Variants in ESRRG observed in about 807,000 individuals in gnomAD.
ESRRG encodes the protein estrogen-related receptor gamma.
ESRRG carries 13 observed loss-of-function variants against 44.0 expected under a neutral mutation model. That is an observed-to-expected ratio of 0.30 (90% CI 0.19 to 0.47). The LOEUF is 0.47. Ranked by LOEUF, ESRRG falls within the 20% of genes least tolerant of loss-of-function variation. The pLI is 1.00. For synonymous variants in ESRRG, 215 were observed against 214.6 expected, an observed-to-expected ratio of 1.00 and a Z score of -0.02; for missense variants, 395 against 580.6, an observed-to-expected ratio of 0.68 and a Z score of 3.29.
intron 2 of ESRRG, among the ~76,000 whole-genome samples, chr1:216,858,699 G>A (rs1163198278): frequency 6.6e-6 from 1 of 152,154 alleles, no homozygotes; most frequent in Non-Finnish European, 1.5e-5. Flanking sequence ...TGAGGAAACT[G>A]AGGCCTAGGG....
intron 5 of ESRRG, among the ~76,000 whole-genome samples, chr1:216,548,111 A>T (rs560375671): frequency 1.3e-4 from 20 of 152,202 alleles, no homozygotes; most frequent in Non-Finnish European, 2.6e-4. Context: ...CAATGCCGGA[A>T]ATCAAACTTT....
At chr1:216,512,906 T>A (rs114004413) in intron 6 of ESRRG, among the ~76,000 whole-genome samples, 1,786 of 152,270 alleles carry the variant, frequency 0.012, 25 homozygotes, top group Non-Finnish European at 0.018. Context: ...AAAATGCTAC[T>A]GCTGGCTTTA....
At chr1:216,786,686 C>T (rs768775885) in intron 2 of ESRRG, among the ~76,000 whole-genome samples, 12 of 152,134 alleles carry the variant, frequency 7.9e-5, no homozygotes, top group African/African-American at 2.2e-4. Flanking sequence ...TATATTACAA[C>T]GAGTACATAT....
At chr1:216,625,488 G>A (rs1414530) in intron 3 of ESRRG, among the ~76,000 whole-genome samples, 58,659 of 149,222 alleles carry the variant, frequency 0.39, 12,003 homozygotes, top group East Asian at 0.52. Context: ...TTATAATAAC[G>A]TCTTGCTTTT....
intron 2 of ESRRG, among the ~76,000 whole-genome samples, chr1:216,665,600 C>A (rs2151303405): frequency 6.6e-6 from 1 of 152,056 alleles, no homozygotes; most frequent in South Asian, 2.1e-4. Flanking sequence ...TGATGAAATA[C>A]TAAAGACTCG....
chr1:217,099,608 G>C (rs868553082), intron 1 of ESRRG, among the ~76,000 whole-genome samples: 1 of 152,124 alleles, frequency 6.6e-6, no homozygotes, highest in African/African-American at 2.4e-5. Flanking sequence ...AAATTCAGAA[G>C]ATCTCTGGTG....
intron 2 of ESRRG, among the ~76,000 whole-genome samples, chr1:216,809,065 C>T (rs558438362): frequency 6.6e-6 from 1 of 152,070 alleles, no homozygotes; most frequent in Non-Finnish European, 1.5e-5. Flanking sequence ...GGGTGCTACG[C>T]TAAATTTTTG....
chr1:216,735,177 G>C (rs2089641427), intron 2 of ESRRG, among the ~76,000 whole-genome samples: 1 of 150,866 alleles, frequency 6.6e-6, no homozygotes, highest in African/African-American at 2.4e-5. Context: ...CAAAGTGCTG[G>C]GATTACAGGC....
chr1:216,558,828 A>C (rs1277788786), intron 5 of ESRRG, among the ~76,000 whole-genome samples: 3 of 151,934 alleles, frequency 2.0e-5, no homozygotes, highest in Admixed American at 2.0e-4. Context: ...ATAACCTTTA[A>C]ATATTTCATA....
intron 1 of ESRRG, among the ~76,000 whole-genome samples, chr1:216,987,500 AC>A (rs1442743112): frequency 3.3e-5 from 5 of 152,344 alleles, no homozygotes; most frequent in African/African-American, 1.2e-4. Context: ...TTACAATCCT[AC>A]TTCCTCTTTG....
rs190595786 is a variant in ESRRG, at chr1:216,570,377, A to G, written c.590-2279T>C. On this transcript the variant is annotated intron_variant, in intron 3 of 6. Coordinates refer to ENST00000408911, the MANE Select transcript of ESRRG (RefSeq NM_001438.4). The stretch of plus-strand genomic sequence containing the variant: ...AGCACTCCATGCCTACAGCAGATGT[A>G]TTCCTTTGTTTATCTAATTTCTAAT... Among the ~76,000 whole-genome samples, 318 of 152,318 alleles carry G rather than the reference A, an allele frequency of 2.1e-3. 2 individuals carry two copies. The highest frequency in any genetic ancestry group is 2.3e-3 in the Non-Finnish European group (156 of 68,006).
intron 3 of ESRRG, among the ~76,000 whole-genome samples, chr1:216,645,944 T>C (rs572254380): frequency 1.3e-5 from 2 of 151,876 alleles, no homozygotes; most frequent in East Asian, 1.9e-4. Context: ...ACAATTCTCC[T>C]TGCTCATTTT....
At chr1:216,662,832 C>T (rs551730053) in intron 2 of ESRRG, among the ~76,000 whole-genome samples, 19 of 152,290 alleles carry the variant, frequency 1.2e-4, no homozygotes, top group African/African-American at 4.6e-4. Context: ...TGCTGTAGCA[C>T]AAAAGCAGCC....
rs181952623 is a variant in ESRRG at position 216,952,026 on chromosome 1, C to T, written c.-105-12353G>A. The stretch of plus-strand genomic sequence containing the variant: ...TTACCATAAATACACAACCTGCATC[C>T]AAACAATCTAAATATCATCAGTAGA... On this transcript the variant is annotated intron_variant, in intron 1 of 7. Coordinates refer to the ESRRG transcript ENST00000359162. Among the ~76,000 whole-genome samples the T allele has an allele frequency of 1.8e-3, 279 of 152,096 alleles. 1 individual carries two copies. Among genetic ancestry groups the T allele is most frequent in the African/African-American group, 6.4e-3 (265 of 41,500 alleles).
chr1:216,989,410 T>G (rs1159385445), intron 1 of ESRRG, among the ~76,000 whole-genome samples: 4 of 128,766 alleles, frequency 3.1e-5, no homozygotes, highest in African/African-American at 9.2e-5. Context: ...TCTGTCTGCA[T>G]GGTAGAGACT....
intron 1 of ESRRG, among the ~76,000 whole-genome samples, chr1:216,685,874 A>G (rs1419090224): frequency 2.0e-5 from 3 of 152,250 alleles, no homozygotes; most frequent in African/African-American, 7.2e-5. Flanking sequence ...GACATAGATC[A>G]GTTCACCAGG....
rs1411232228 is a variant in ESRRG, at chr1:216,963,580, C to T, written c.-105-23907G>A. 2.0e-5 allele frequency among the ~76,000 whole-genome samples: 3 copies of T among 152,156 alleles called. No homozygotes were observed. In the South Asian group the frequency reaches 6.2e-4, roughly 32 times the overall value. On this transcript the variant is annotated intron_variant, in intron 1 of 7. Coordinates refer to the ESRRG transcript ENST00000359162. ...TGAATGAAGACTTGTCTATCCTCCT[C>T]TATTATCCTAAAATGAAGCTTTTAA...
At chr1:216,983,914 T>A (rs2074425931) in intron 1 of ESRRG, among the ~76,000 whole-genome samples, 1 of 152,094 alleles carries the variant, frequency 6.6e-6, no homozygotes, top group East Asian at 1.9e-4. Flanking sequence ...GGATATCTCC[T>A]CCATTTGGTG....
At chr1:216,917,214 C>T (rs1395323366) in intron 2 of ESRRG, among the ~76,000 whole-genome samples, 4 of 146,034 alleles carry the variant, frequency 2.7e-5, no homozygotes, top group Admixed American at 6.9e-5. Context: ...GAAGTGAAAT[C>T]TGCCAGGTCT....
Sources: gnomAD v4.1 joint callset for allele counts (sites outside exome capture counted in the v4.1 genomes callset) on GRCh38, gnomAD v4.1.1 for gene constraint, MANE v1.5 for transcripts, NCBI Gene and HGNC (gene_info 2026-07-23, HGNC 2026-07-21) for gene names.